The following KMT2D variants were observed in gnomAD, a reference collection of about 807,000 sequenced individuals.
KMT2D encodes the protein lysine methyltransferase 2D, also known as histone-lysine N-methyltransferase 2D.
Under a neutral mutation model 512.7 loss-of-function variants are expected in KMT2D, and 55 were observed. That is an observed-to-expected ratio of 0.11 (90% CI 0.09 to 0.13). The LOEUF is 0.13. Ranked by LOEUF, KMT2D falls within the 10% of genes least tolerant of loss-of-function variation. The probability of loss-of-function intolerance (pLI) is 1.00; values close to 1 mark genes in which losing one functional copy is unlikely to be tolerated. For synonymous variants in KMT2D, 2,995 were observed against 2,904.0 expected, an observed-to-expected ratio of 1.03 and a Z score of -1.01; for missense variants, 6,061 against 7,127.9, an observed-to-expected ratio of 0.85 and a Z score of 5.39.
At position 49,037,205 on chromosome 12, in the gene KMT2D, G is replaced by T. The variant is rs1943263345; in HGVS notation, c.10151C>A (p.Thr3384Asn). Reference sequence around the variant, plus strand: ...CTTCATGCACATGGAAGGTGGCATGGTGCCCATGGGCTTCTGTGATAGCAC... The same window carrying T: ...CTTCATGCACATGGAAGGTGGCATGTTGCCCATGGGCTTCTGTGATAGCAC... ...QPVLSQKPMGTMPPSMCMKPQ... is the reference protein window; with the variant it reads ...QPVLSQKPMGNMPPSMCMKPQ... Residue 3384 changes from threonine (T) to asparagine (N), a missense_variant, in exon 35 of 55, where the codon ACC (threonine) becomes AAC (asparagine). Thr to Asn is a moderately conservative substitution (Grantham distance 65, BLOSUM62 0). This residue lies in a region of KMT2D where 533 missense variants were observed against 539.6 expected (regional missense o/e 0.99). Coordinates refer to ENST00000301067, the MANE Select transcript of KMT2D (RefSeq NM_003482.4). 7 of 1,610,290 alleles carry T rather than the reference G, an allele frequency of 4.3e-6. No individual in the cohort carries two copies. Among genetic ancestry groups the T allele is most frequent in the Non-Finnish European group, 5.9e-6 (7 of 1,177,154 alleles).
At position 49,020,196 on chromosome 12, in the gene KMT2D, T is replaced by C. The variant is rs972958785; in HGVS notation, c.*1584A>G. The C allele has an allele frequency of 2.8e-5, 5 of 179,118 alleles. No homozygotes were observed. Among genetic ancestry groups the C allele is most frequent in the Admixed American group, 1.3e-4 (2 of 15,858 alleles). 11.1% of individuals were successfully genotyped at this position (179,118 alleles called of 1,614,324 possible). On this transcript the variant is annotated 3_prime_UTR_variant, in exon 55 of 55. Coordinates refer to ENST00000301067, the MANE Select transcript of KMT2D (RefSeq NM_003482.4). ...GGCTCCCCCTGGGGTCAGCTCTCTT[T>C]TGTGCGTTATAACATAGTCCAACTA... is the stretch of plus-strand genomic sequence containing the variant.
In KMT2D at chr12:49,054,326, A is replaced by G. The variant is rs2120707557; in HGVS notation, c.491T>C (p.Ile164Thr). The change falls in exon 5 of 55, where the codon ATC (isoleucine) becomes ACC (threonine). Residue 164 changes from isoleucine (I) to threonine (T), a missense_variant. Physicochemically the swap from Ile to Thr is moderately conservative, Grantham distance 89. This residue lies in a region of KMT2D where 160 missense variants were observed against 225.8 expected (regional missense o/e 0.71). Coordinates refer to ENST00000301067, the MANE Select transcript of KMT2D (RefSeq NM_003482.4). This position sits in a 1 kb window ranked among gnomAD's most constrained non-coding sequence, Gnocchi z 6.4. ...CCCCACCTGTGAGATCCCTGAGAAG[A>G]TGGCCTTGTCCACACCACATAGTTC... ...GPELCGVDKA[I>T]FSGISQRCSH... The G allele has an allele frequency of 1.9e-6, 3 of 1,594,798 alleles. No homozygotes were observed. The highest frequency in any genetic ancestry group is 2.6e-6 in the Non-Finnish European group (3 of 1,170,822).
chr12:49,027,407 A>C, intron 48 of KMT2D, 85 bp from the exon 49 acceptor site: 1 of 1,096,836 alleles, frequency 9.1e-7, no homozygotes, highest in Non-Finnish European at 1.3e-6. Context: ...CCACCCTCCC[A>C]AAAGGCCTCC....
Position 49,031,778 on chromosome 12 carries a change from A to C in KMT2D, c.12927T>G (p.Pro4309=). 6.2e-7 allele frequency: 1 copy of C among 1,610,582 alleles called. No homozygotes were observed. Among genetic ancestry groups the C allele is most frequent in the Non-Finnish European group, 8.5e-7 (1 of 1,178,198 alleles). ...TTGGCTCTTGAGGGCTGGATGGTGGAGGTGTGGGATGGACAGGGCCAAGGA... is the reference window on the plus strand; with the variant it reads ...TTGGCTCTTGAGGGCTGGATGGTGGCGGTGTGGGATGGACAGGGCCAAGGA... ...GPVLGPVHPT[P]PPSSPQEPKR... The change falls in exon 40 of 55, where the codon CCT becomes CCG. Residue 4309 remains proline (P), a synonymous_variant. Coordinates refer to ENST00000301067, the MANE Select transcript of KMT2D (RefSeq NM_003482.4).
At chr12:49,035,060 A>G in intron 35 of KMT2D, 125 bp from the exon 36 acceptor site, 1 of 1,216,654 alleles carries the variant, frequency 8.2e-7, no homozygotes, top group East Asian at 2.5e-5. Flanking sequence ...AGGCAGAAAG[A>G]CCACTGAATT....
rs755624812 is a variant in KMT2D at position 49,050,971 on chromosome 12, C to T, written c.2712G>A (p.Gly904=). 1 of 1,561,954 alleles carries T rather than the reference C, an allele frequency of 6.4e-7. No individual in the cohort carries two copies. Among genetic ancestry groups the T allele is most frequent in the South Asian group, 1.2e-5 (1 of 82,236 alleles). The change falls in exon 11 of 55, where the codon GGG becomes GGA. Residue 904 remains glycine, a synonymous_variant. Coordinates refer to ENST00000301067, the MANE Select transcript of KMT2D (RefSeq NM_003482.4). ...CGGGCAGAGGGGACAGAGGTGGTTC[C>T]CCAGGCTCAGACAGGGCTGGCTCTC... ...LLGEPALSEP[G]EPPLSPLPEE...
rs2120581449 is a variant in KMT2D at position 49,044,326 on chromosome 12, G to C, written c.5084-22C>G. On this transcript the variant is annotated intron_variant, in intron 21 of 54. Transcript: ENST00000301067. This position sits in a 1 kb window ranked among gnomAD's most constrained non-coding sequence, Gnocchi z 6.4. ...ATGCCTATGAGGAGGCAGAGTTGTGGATGAGAAGCCGCTGGGGGACCTATT... is the reference window on the plus strand; with the variant it reads ...ATGCCTATGAGGAGGCAGAGTTGTGCATGAGAAGCCGCTGGGGGACCTATT... 6.2e-7 allele frequency: 1 copy of C among 1,613,894 alleles called. No homozygotes were observed. The highest frequency in any genetic ancestry group is 8.5e-7 in the Non-Finnish European group (1 of 1,179,820).
rs2120583800 is a variant in KMT2D at position 49,044,446 on chromosome 12, C to T, written c.5040G>A (p.Glu1680=). Residue 1680 remains glutamate, a synonymous_variant, in exon 21 of 55, where the codon GAG becomes GAA. Transcript: ENST00000301067. The surrounding 1 kb of genome is among the most constrained non-coding windows in gnomAD (Gnocchi z 6.4). ...VSPDVEPGKE[E]TEESKKRKRK... is the part of the protein sequence containing the mutation. ...GCTTGCGTTTTTTGCTTTCCTCGGT[C>T]TCCTCTTTGCCAGGCTCCACATCAG... 1 of 1,613,982 alleles carries T rather than the reference C, an allele frequency of 6.2e-7. No homozygotes were observed. The highest frequency in any genetic ancestry group is 8.5e-7 in the Non-Finnish European group (1 of 1,179,872).
chr12:49,041,425 G>A lies in KMT2D; in HGVS notation c.6345C>T (p.Ser2115=), dbSNP rs368856357. 1.3e-5 allele frequency: 21 copies of A among 1,609,794 alleles called. No individual in the cohort carries two copies. In the African/African-American group the frequency reaches 2.5e-4, roughly 19 times the overall value. ...TGGTGGGGGCAGCAGCGGGGGGCGG[G>A]CTGCCCAGTGCCCCTGGCTGCGGGG... ...RIPPQPGALG[S]PPPAAAPTIF... The change falls in exon 32 of 55, where the codon AGC becomes AGT. Residue 2115 remains serine (S), a synonymous_variant. Transcript: ENST00000301067. This position sits in a 1 kb window ranked among gnomAD's most constrained non-coding sequence, Gnocchi z 5.4.
At position 49,041,623 on chromosome 12, in the gene KMT2D, G is replaced by A. The variant is rs1943535116; in HGVS notation, c.6234+32C>T. ...CCCTCAAGAGAGGCCACCCACTAGA[G>A]GACTGCTACACCCCAGCCCAGCCCC... On this transcript the variant is annotated intron_variant, in intron 31 of 54. Transcript: ENST00000301067. This position sits in a 1 kb window ranked among gnomAD's most constrained non-coding sequence, Gnocchi z 5.4. 2 of 1,613,268 alleles carry A rather than the reference G, an allele frequency of 1.2e-6. No homozygotes were observed. Among genetic ancestry groups the A allele is most frequent in the Non-Finnish European group, 1.7e-6 (2 of 1,179,562 alleles).
chr12:49,041,092 G>T lies in KMT2D; in HGVS notation c.6678C>A (p.Phe2226Leu). ...SRPGAGQPGE[F>L]HTTPPGTPRH... ...TGGGGGTGCCAGGTGGGGTAGTGTG[G>T]AATTCCCCTGGCTGGCCAGCCCCAG... Residue 2226 changes from phenylalanine to leucine, a missense_variant, in exon 32 of 55, where the codon TTC (phenylalanine) becomes TTA (leucine). Physicochemically the swap from Phe to Leu is conservative, Grantham distance 22. This residue lies in a region of KMT2D where 710 missense variants were observed against 647.3 expected (regional missense o/e 1.10). Transcript: ENST00000301067. This position sits in a 1 kb window ranked among gnomAD's most constrained non-coding sequence, Gnocchi z 5.4. The T allele has an allele frequency of 1.3e-6, 2 of 1,533,630 alleles. No individual in the cohort carries two copies.
chr12:49,041,636 C>G lies in KMT2D; in HGVS notation c.6234+19G>C, dbSNP rs1346939955. 1.2e-6 allele frequency: 2 copies of G among 1,613,412 alleles called. No individual in the cohort carries two copies. The highest frequency in any genetic ancestry group is 2.2e-5 in the East Asian group (1 of 44,870). ...CCACCCACTAGAGGACTGCTACACCCCAGCCCAGCCCCACTCACCTTCTGC... is the reference window on the plus strand; with the variant it reads ...CCACCCACTAGAGGACTGCTACACCGCAGCCCAGCCCCACTCACCTTCTGC... On this transcript the variant is annotated intron_variant, in intron 31 of 54. Coordinates refer to ENST00000301067, the MANE Select transcript of KMT2D (RefSeq NM_003482.4). This position sits in a 1 kb window ranked among gnomAD's most constrained non-coding sequence, Gnocchi z 5.4.
Position 49,037,983 on chromosome 12 carries a change from C to T in KMT2D, c.9373G>A (p.Gly3125Ser), listed in dbSNP as rs2120488731. The T allele has an allele frequency of 6.2e-7, 1 of 1,601,934 alleles. No individual in the cohort carries two copies. The highest frequency in any genetic ancestry group is 8.5e-7 in the Non-Finnish European group (1 of 1,174,548). Residue 3125 changes from glycine (G) to serine (S), a missense_variant, in exon 35 of 55, where the codon GGT (glycine) becomes AGT (serine). By Grantham distance (56) the Gly-to-Ser change is moderately conservative. This residue lies in a region of KMT2D where 533 missense variants were observed against 539.6 expected (regional missense o/e 0.99). Coordinates refer to ENST00000301067, the MANE Select transcript of KMT2D (RefSeq NM_003482.4). Reference protein sequence around the residue: ...LPEVKPKVEEGGRHPSPCQFT... With the variant: ...LPEVKPKVEESGRHPSPCQFT... ...TGGCAAGGAGAAGGGTGGCGTCCAC[C>T]CTCCTCCACCTTGGGCTTCACCTCA...
chr12:49,032,988 AGCTGCTGCT>A lies in KMT2D; in HGVS notation c.11708_11716del (p.Gln3903_Gln3905del), dbSNP rs944680171. 2 of 1,550,556 alleles carry A rather than the reference AGCTGCTGCT, an allele frequency of 1.3e-6. No homozygotes were observed. Among genetic ancestry groups the A allele is most frequent in the East Asian group, 4.9e-5 (2 of 40,868 alleles). ...CTGCTGAAGTTGCTGTTGCTGTTGC[AGCTGCTGCT>A]GCTGCTGAAGCTGCTGTAAAGAGCC... On this transcript the variant is annotated inframe_deletion, in exon 40 of 55. Coordinates refer to ENST00000301067, the MANE Select transcript of KMT2D (RefSeq NM_003482.4).
At position 49,039,312 on chromosome 12, in the gene KMT2D, G is replaced by A; in HGVS notation, c.8276C>T (p.Pro2759Leu). Reference sequence around the variant, plus strand: ...AGGGAAGGACCCTGGCCCCAGGATGGGGCCACTCAGCTTGCTTGGGGGCAA... The same window carrying A: ...AGGGAAGGACCCTGGCCCCAGGATGAGGCCACTCAGCTTGCTTGGGGGCAA... ...VGLPPSKLSG[P>L]ILGPGSFPSD... Residue 2759 changes from proline (P) to leucine (L), a missense_variant, in exon 34 of 55, where the codon CCC (proline) becomes CTC (leucine). Physicochemically the swap from Pro to Leu is moderately conservative, Grantham distance 98. Coordinates refer to ENST00000301067, the MANE Select transcript of KMT2D (RefSeq NM_003482.4). This position sits in a 1 kb window ranked among gnomAD's most constrained non-coding sequence, Gnocchi z 5.0. 6.2e-7 allele frequency: 1 copy of A among 1,613,682 alleles called. No individual in the cohort carries two copies. Among genetic ancestry groups the A allele is most frequent in the Non-Finnish European group, 8.5e-7 (1 of 1,179,810 alleles).
rs1159914012 is a variant in KMT2D, at chr12:49,033,383, C to T, written c.11322G>A (p.Gln3774=). 1 of 1,575,484 alleles carries T rather than the reference C, an allele frequency of 6.3e-7. No individual in the cohort carries two copies. The highest frequency in any genetic ancestry group is 2.3e-5 in the East Asian group (1 of 42,584). ...GGTGGCTGCTGGGAGGCATAAGGCC[C>T]TGGGGCTTGGGACCCAGAGCTTGGT... ...QTNQALGPKP[Q]GLMPPSSHQG... Residue 3774 remains glutamine, a synonymous_variant, in exon 40 of 55, where the codon CAG becomes CAA. Coordinates refer to ENST00000301067, the MANE Select transcript of KMT2D (RefSeq NM_003482.4).
rs780891095 is a variant in KMT2D at position 49,051,689 on chromosome 12, G to A, written c.1994C>T (p.Pro665Leu). ...TGGGGACAAGGGAGATTCCTCAGGC[G>A]GTGGAGACAGGCGTGACACCACAGG... is the stretch of plus-strand genomic sequence containing the variant. ...PLPVVSRLSP[P>L]PEESPLSPPP... Residue 665 changes from proline (P) to leucine (L), a missense_variant, in exon 11 of 55, where the codon CCG becomes CTG. Pro to Leu is a moderately conservative substitution (Grantham distance 98, BLOSUM62 -3). Coordinates refer to ENST00000301067, the MANE Select transcript of KMT2D (RefSeq NM_003482.4). 166 of 1,580,280 alleles carry A rather than the reference G, an allele frequency of 1.1e-4. No individual in the cohort carries two copies. The highest frequency in any genetic ancestry group is 1.7e-4 in the Middle Eastern group (1 of 5,922).
chr12:49,024,224 T>C lies in KMT2D; in HGVS notation c.16052+354A>G, dbSNP rs1942462297. ...GAAGGGAAGGTGACCCTAGCACCCA[T>C]GGGGTATCTGAGGTTTGGGAGAATC... On this transcript the variant is annotated intron_variant, in intron 51 of 54. Coordinates refer to ENST00000301067, the MANE Select transcript of KMT2D (RefSeq NM_003482.4). The surrounding 1 kb of genome is among the most constrained non-coding windows in gnomAD (Gnocchi z 4.5). 4.9e-6 allele frequency: 2 copies of C among 406,512 alleles called. No individual in the cohort carries two copies. The highest frequency in any genetic ancestry group is 9.2e-6 in the Non-Finnish European group (2 of 216,906). The allele number at this position is 406,512 out of a possible 1,614,324, so 25.2% of individuals were successfully genotyped here. A position where few individuals can be genotyped will look rare whatever the true frequency, so the allele number is the denominator to read the frequency against.
chr12:49,031,280 G>A lies in KMT2D; in HGVS notation c.13425C>T (p.Ser4475=), dbSNP rs2120418310. Residue 4475 remains serine (S), a synonymous_variant, in exon 40 of 55, where the codon AGC becomes AGT. Coordinates refer to ENST00000301067, the MANE Select transcript of KMT2D (RefSeq NM_003482.4). ...KLLRAKNVQL[S]TGRGSEGLRA... is the part of the protein sequence containing the mutation. ...GCAGCCCCTCGGACCCCCGCCCAGT[G>A]CTGAGTTGCACATTCTTTGCCCGGA... 1 of 1,613,464 alleles carries A rather than the reference G, an allele frequency of 6.2e-7. No homozygotes were observed.
Sources: allele counts gnomAD v4.1 joint callset, GRCh38; gene constraint gnomAD v4.1.1; regional missense constraint gnomAD v4.1.1; non-coding constraint Gnocchi (gnomAD v3.1); transcripts MANE v1.5; gene names NCBI Gene and HGNC (gene_info 2026-07-23, HGNC 2026-07-21).